Variants in ADAMTS20 observed in about 807,000 individuals in gnomAD.
The protein encoded by ADAMTS20 is A disintegrin and metalloproteinase with thrombospondin motifs 20.
ADAMTS20 carries 225 observed loss-of-function variants against 260.1 expected under a neutral mutation model. That is an observed-to-expected ratio of 0.87 (90% CI 0.78 to 0.97). The LOEUF (loss-of-function observed/expected upper bound fraction) is 0.97. Ranked by LOEUF, ADAMTS20 falls within the 50% of genes least tolerant of loss-of-function variation. The probability of loss-of-function intolerance (pLI) is 0.00; values close to 1 mark genes in which losing one functional copy is unlikely to be tolerated. For synonymous variants in ADAMTS20, 802 were observed against 769.5 expected, an observed-to-expected ratio of 1.04 and a Z score of -0.70; for missense variants, 2,400 against 2,337.7, an observed-to-expected ratio of 1.03 and a Z score of -0.55.
chr12:43,439,475 GAA>G lies in ADAMTS20; in HGVS notation c.2593+145_2593+146del. ...AAGAATTAGTGAAAAAAGTAGAAAG[GAA>G]AAAAAGATTGAAAACTTTTGTATGT... On this transcript the variant is annotated intron_variant, in intron 18 of 38. Coordinates refer to ENST00000389420, the MANE Select transcript of ADAMTS20 (RefSeq NM_025003.5). 14 of 908,882 alleles carry G rather than the reference GAA, an allele frequency of 1.5e-5. No individual in the cohort carries two copies. In the South Asian group the frequency reaches 3.3e-4, roughly 22 times the overall value. The allele number at this position is 908,882 out of a possible 1,614,324, so 56.3% of individuals were successfully genotyped here.
At position 43,428,441 on chromosome 12, in the gene ADAMTS20, C is replaced by T. The variant is rs746492092; in HGVS notation, c.3745G>A (p.Glu1249Lys). 1.2e-6 allele frequency: 2 copies of T among 1,613,920 alleles called. No homozygotes were observed. The highest frequency in any genetic ancestry group is 2.2e-5 in the South Asian group (2 of 91,078). ...TCCTGTTCCATCAAAGGGCGAACTT[C>T]AGGATCACAGTAATTCTCATCAATT... ...QPIDENYCDPEVRPLMEQECS... is the reference protein window; with the variant it reads ...QPIDENYCDPKVRPLMEQECS... Residue 1249 changes from glutamate to lysine, a missense_variant, in exon 26 of 39, where the codon GAA (glutamate) becomes AAA (lysine). Coordinates refer to ENST00000389420, the MANE Select transcript of ADAMTS20 (RefSeq NM_025003.5).
intron 29 of ADAMTS20, among the ~76,000 whole-genome samples, chr12:43,394,841 A>C (rs1193745811): frequency 2.0e-5 from 3 of 152,152 alleles, no homozygotes; most frequent in South Asian, 4.1e-4. Flanking sequence ...CAAGCTTCTT[A>C]ACCTTTCTAT....
Position 43,383,647 on chromosome 12 carries a change from C to A in ADAMTS20, c.4708G>T (p.Val1570Phe), listed in dbSNP as rs749958826. ...DNQIRQVNEI[V>F]YNSSTISLTS... ...AGAGATATGGTTGAAGAATTATAGA[C>A]TATTTCATTCACTTGTCTGATTTGG... Residue 1570 changes from valine to phenylalanine, a missense_variant, in exon 31 of 39, where the codon GTC (valine) becomes TTC (phenylalanine). Coordinates refer to ENST00000389420, the MANE Select transcript of ADAMTS20 (RefSeq NM_025003.5). The A allele has an allele frequency of 1.7e-5, 27 of 1,613,862 alleles. No individual in the cohort carries two copies. In the Admixed American group the frequency reaches 4.5e-4, roughly 27 times the overall value.
At chr12:43,464,894 G>C (rs1043573359) in intron 9 of ADAMTS20, among the ~76,000 whole-genome samples, 162 bp from the exon 10 acceptor site, 1 of 151,954 alleles carries the variant, frequency 6.6e-6, no homozygotes, top group African/African-American at 2.4e-5. Flanking sequence ...AGCAATGTTC[G>C]TACACATAAG....
chr12:43,492,149 G>A (rs1942608795), intron 6 of ADAMTS20, among the ~76,000 whole-genome samples: 1 of 152,164 alleles, frequency 6.6e-6, no homozygotes, highest in African/African-American at 2.4e-5. Flanking sequence ...GGGAGGCCGA[G>A]GTGGGTGGAT....
intron 2 of ADAMTS20, among the ~76,000 whole-genome samples, chr12:43,537,815 A>G (rs988319577): frequency 9.2e-5 from 14 of 152,144 alleles, no homozygotes; most frequent in Admixed American, 7.9e-4. Flanking sequence ...ATGATCTCTA[A>G]TTCCATCCCC....
At chr12:43,398,077 C>T (rs547035667) in intron 29 of ADAMTS20, among the ~76,000 whole-genome samples, 1 of 152,190 alleles carries the variant, frequency 6.6e-6, no homozygotes, top group Non-Finnish European at 1.5e-5. Flanking sequence ...GTTCCAACAT[C>T]AGAAGATGGG....
intron 36 of ADAMTS20, among the ~76,000 whole-genome samples, chr12:43,370,131 A>G (rs1408372271): frequency 6.6e-6 from 1 of 152,186 alleles, no homozygotes; most frequent in African/African-American, 2.4e-5. Context: ...CTGCAAAATC[A>G]CTGCATGTCC....
rs371773859 is a variant in ADAMTS20, at chr12:43,432,329, C to T, written c.3071G>A (p.Ser1024Asn). Residue 1024 changes from serine to asparagine, a missense_variant, in exon 21 of 39, where the codon AGT (serine) becomes AAT (asparagine). Physicochemically the swap from Ser to Asn is conservative, Grantham distance 46 (BLOSUM62 1). Transcript: ENST00000389420. ...CTCGCTCCATTCACTAGCAGCCCAA[C>T]TGGGACAGGAAAATTCATTGCAATT... The part of the protein sequence containing the change: ...RENCNEFSCP[S>N]WAASEWSECL... 9 of 1,613,930 alleles carry T rather than the reference C, an allele frequency of 5.6e-6. 1 individual carries two copies. In the South Asian group the frequency reaches 9.9e-5, roughly 18 times the overall value.
intron 29 of ADAMTS20, among the ~76,000 whole-genome samples, chr12:43,397,250 GAA>G (rs559681109): frequency 5.3e-5 from 8 of 152,288 alleles, no homozygotes; most frequent in Admixed American, 5.2e-4. Context: ...TCGCCAAGAG[GAA>G]AAGAGATACT....
At chr12:43,423,107 G>A (rs561642078) in intron 28 of ADAMTS20, 1 of 151,984 alleles carries the variant, frequency 6.6e-6, no homozygotes, top group East Asian at 1.9e-4. Context: ...AAACTTAAAA[G>A]CATTATAATG....
intron 3 of ADAMTS20, among the ~76,000 whole-genome samples, chr12:43,516,206 A>T (rs919205887): frequency 8.6e-5 from 13 of 151,806 alleles, no homozygotes; most frequent in African/African-American, 3.1e-4. Context: ...ATTACTGAAC[A>T]CATGCTAGGG....
chr12:43,523,886 T>C (rs1943105791), intron 3 of ADAMTS20, among the ~76,000 whole-genome samples: 1 of 147,916 alleles, frequency 6.8e-6, no homozygotes, highest in South Asian at 2.3e-4. Flanking sequence ...ACCACCCTGG[T>C]AGCTTAACAC....
chr12:43,416,259 C>G (rs1282637588), intron 28 of ADAMTS20, among the ~76,000 whole-genome samples: 1 of 151,988 alleles, frequency 6.6e-6, no homozygotes, highest in Non-Finnish European at 1.5e-5. Context: ...CTTGACTTTT[C>G]GTCTCTAGTC....
At chr12:43,531,330 A>C (rs116859765) in intron 3 of ADAMTS20, among the ~76,000 whole-genome samples, 325 of 152,170 alleles carry the variant, frequency 2.1e-3, no homozygotes, top group Non-Finnish European at 4.2e-3. Flanking sequence ...TTCATCTAAA[A>C]TCCTGCTGAA....
At chr12:43,409,530 A>AG (rs1300518719) in intron 28 of ADAMTS20, among the ~76,000 whole-genome samples, 1 of 132,660 alleles carries the variant, frequency 7.5e-6, no homozygotes, top group Non-Finnish European at 1.6e-5. Context: ...TGAACCCGGG[A>AG]GGCGGAGCTT....
chr12:43,499,121 A>C (rs1942718924), intron 4 of ADAMTS20, among the ~76,000 whole-genome samples: 1 of 152,180 alleles, frequency 6.6e-6, no homozygotes, highest in Non-Finnish European at 1.5e-5. Context: ...GTATCTCAAA[A>C]GGGAGACTTA....
intron 28 of ADAMTS20, among the ~76,000 whole-genome samples, chr12:43,416,460 C>T (rs527675576): frequency 1.3e-5 from 2 of 152,056 alleles, no homozygotes; most frequent in East Asian, 1.9e-4. Flanking sequence ...ACTTTATGCC[C>T]ACCCCTTGTT....
At chr12:43,547,289 G>T (rs1359107476) in intron 2 of ADAMTS20, among the ~76,000 whole-genome samples, 1 of 152,214 alleles carries the variant, frequency 6.6e-6, no homozygotes, top group East Asian at 1.9e-4. Flanking sequence ...CCTCAGTTGG[G>T]AAGATGGAAA....
Sources: allele counts gnomAD v4.1 joint callset (sites outside exome capture counted in the v4.1 genomes callset), GRCh38; gene constraint gnomAD v4.1.1; transcripts MANE v1.5; gene names NCBI Gene and HGNC (gene_info 2026-07-23, HGNC 2026-07-21).